MLIP: variants seen among roughly 807,000 people sequenced by gnomAD.
The protein encoded by MLIP is muscular LMNA-interacting protein.
A neutral mutation model predicts 84.8 loss-of-function variants in MLIP; 79 were observed. That is an observed-to-expected ratio of 0.93 (90% CI 0.78 to 1.12). The LOEUF (loss-of-function observed/expected upper bound fraction) is 1.12. MLIP is among the 50% of genes most tolerant of loss of function. MLIP has a pLI of 0.00. For synonymous variants in MLIP, 504 were observed against 463.0 expected, an observed-to-expected ratio of 1.09 and a Z score of -1.14; for missense variants, 1,257 against 1,160.6, an observed-to-expected ratio of 1.08 and a Z score of -1.21.
At chr6:54,027,380 C>T (rs1763874076) in intron 1 of MLIP, among the ~76,000 whole-genome samples, 1 of 1,024 alleles carries the variant, frequency 9.8e-4, no homozygotes, top group African/African-American at 1.1e-3. Flanking sequence ...AAAATACACA[C>T]ACACACACAC....
At chr6:54,160,880 T>C (rs1774566794) in intron 8 of MLIP, 81 bp downstream of exon 8, 1 of 1,152,468 alleles carries the variant, frequency 8.7e-7, no homozygotes, top group Non-Finnish European at 1.3e-6. Context: ...CAAGGTCCAA[T>C]AGTGAATTGA....
chr6:54,052,375 T>G (rs1485914743), intron 1 of MLIP, among the ~76,000 whole-genome samples: 2 of 152,200 alleles, frequency 1.3e-5, no homozygotes, highest in Non-Finnish European at 2.9e-5. Context: ...TTCGTCTACC[T>G]GTTGTTCAAC....
chr6:54,142,213 G>A (rs553689752), intron 4 of MLIP, among the ~76,000 whole-genome samples: 3 of 152,252 alleles, frequency 2.0e-5, no homozygotes, highest in Admixed American at 2.0e-4. Context: ...AAGCTGTGAG[G>A]ATATTGCAAT....
intron 9 of MLIP, among the ~76,000 whole-genome samples, chr6:54,173,033 G>T (rs1386558291): frequency 2.0e-5 from 3 of 151,652 alleles, no homozygotes; most frequent in Non-Finnish European, 3.0e-5. Flanking sequence ...TATTTCATTT[G>T]ATTCTTTTAA....
At chr6:54,167,371 G>A (rs1220543071) in intron 8 of MLIP, among the ~76,000 whole-genome samples, 1 of 151,816 alleles carries the variant, frequency 6.6e-6, no homozygotes, top group Non-Finnish European at 1.5e-5. Context: ...CCTTGGATAT[G>A]TCAAGCATGC....
rs1385920912 is a variant in MLIP, at chr6:54,124,766, C to T, written c.546C>T (p.Val182=). Residue 182 remains valine, a synonymous_variant, in exon 3 of 14, where the codon GTC becomes GTT. Transcript: ENST00000502396. ...PKSLAISSSL[V]SDVVRPKTQG... ...CTCTAGCTATCTCGTCCAGTCTGGT[C>T]TCTGATGTAGTGCGTCCCAAAACAC... 5 of 1,614,088 alleles carry T rather than the reference C, an allele frequency of 3.1e-6. No individual in the cohort carries two copies. The highest frequency in any genetic ancestry group is 3.4e-6 in the Non-Finnish European group (4 of 1,180,044).
In MLIP at chr6:54,138,118, C is replaced by T. The variant is rs762178846; in HGVS notation, c.2049C>T (p.Cys683=). 46 of 1,535,982 alleles carry T rather than the reference C, an allele frequency of 3.0e-5. No homozygotes were observed. The highest frequency in any genetic ancestry group is 1.7e-4 in the East Asian group (7 of 40,922). ...GTCCCTCAGCTCTGCACCCACATTG[C>T]GGCAGTGGTACCTTGCCTTCAAGAC... ...QLSPSALHPH[C]GSGTLPSRLG... is the part of the protein sequence containing the mutation. The change falls in exon 4 of 14, where the codon TGC becomes TGT. Residue 683 remains cysteine, a synonymous_variant. Transcript: ENST00000502396.
intron 13 of MLIP, among the ~76,000 whole-genome samples, chr6:54,265,613 A>G (rs896585900): frequency 2.0e-5 from 3 of 152,054 alleles, no homozygotes; most frequent in Non-Finnish European, 2.9e-5. Context: ...CAAGTCATGG[A>G]AGGGTGTGGG....
intron 11 of MLIP, among the ~76,000 whole-genome samples, chr6:54,224,510 T>C (rs1780442058): frequency 6.6e-6 from 1 of 152,072 alleles, no homozygotes; most frequent in Non-Finnish European, 1.5e-5. Flanking sequence ...AGGAACAAAT[T>C]CAGTTATGTG....
chr6:54,119,998 T>G (rs1770294029), intron 1 of MLIP, among the ~76,000 whole-genome samples: 1 of 152,192 alleles, frequency 6.6e-6, no homozygotes, highest in Non-Finnish European at 1.5e-5. Flanking sequence ...TCCCCTTTCC[T>G]TCTCTACTCT....
chr6:54,109,614 C>G (rs570714782), upstream of MLIP, among the ~76,000 whole-genome samples: 7 of 152,048 alleles, frequency 4.6e-5, no homozygotes, highest in Non-Finnish European at 1.0e-4. Context: ...TTCCCTTTCC[C>G]CGTTCTTCTA....
intron 1 of MLIP, among the ~76,000 whole-genome samples, chr6:54,055,475 C>T (rs1007775424): frequency 6.6e-6 from 1 of 152,098 alleles, no homozygotes; most frequent in Non-Finnish European, 1.5e-5. Flanking sequence ...ACCTAGTCCT[C>T]TCTTATTGGG....
intron 12 of MLIP, among the ~76,000 whole-genome samples, chr6:54,256,978 T>C (rs185785090): frequency 2.0e-5 from 3 of 152,274 alleles, no homozygotes; most frequent in Non-Finnish European, 4.4e-5. Context: ...TTGTTTCCTC[T>C]CTATGAAATC....
At position 54,189,952 on chromosome 6, in the gene MLIP, T is replaced by G. The variant is rs779636936; in HGVS notation, c.2589+38T>G. On this transcript the variant is annotated intron_variant, in intron 10 of 13. Coordinates refer to ENST00000502396, the MANE Select transcript of MLIP (RefSeq NM_001281747.2). ...TAAGTCACAGATCTACTGCAAATTCTGATCTCTCAAGAGAGCTTTACCTGA... is the reference window on the plus strand; with the variant it reads ...TAAGTCACAGATCTACTGCAAATTCGGATCTCTCAAGAGAGCTTTACCTGA... The G allele has an allele frequency of 3.4e-6, 5 of 1,450,912 alleles. No homozygotes were observed. In the East Asian group the frequency reaches 1.1e-4, roughly 33 times the overall value. 89.9% of individuals were successfully genotyped at this position (1,450,912 alleles called of 1,614,324 possible).
intron 2 of MLIP, among the ~76,000 whole-genome samples, chr6:54,123,707 C>A (rs1411207832): frequency 2.0e-5 from 3 of 152,076 alleles, no homozygotes; most frequent in Non-Finnish European, 4.4e-5. Context: ...ATAATAGTAA[C>A]CATAGTGTAA....
chr6:54,082,830 A>T (rs116181678), intron 1 of MLIP, among the ~76,000 whole-genome samples: 5,561 of 152,176 alleles, frequency 0.037, 289 homozygotes, highest in African/African-American at 0.13. Flanking sequence ...TATTTAAAAA[A>T]ACTGAATTAT....
At chr6:54,019,624 G>T (rs1763387864) in intron 1 of MLIP, among the ~76,000 whole-genome samples, 1 of 152,106 alleles carries the variant, frequency 6.6e-6, no homozygotes, top group African/African-American at 2.4e-5. Flanking sequence ...ACTTACATTT[G>T]CTCAAATACA....
chr6:54,179,334 T>C (rs1352198265), intron 9 of MLIP, among the ~76,000 whole-genome samples: 1 of 152,154 alleles, frequency 6.6e-6, no homozygotes, highest in Non-Finnish European at 1.5e-5. Flanking sequence ...GGTGATTGGG[T>C]TGTTTTTCAT....
At chr6:54,175,030 C>T (rs1347473058) in intron 9 of MLIP, among the ~76,000 whole-genome samples, 1 of 151,866 alleles carries the variant, frequency 6.6e-6, no homozygotes, top group Non-Finnish European at 1.5e-5. Flanking sequence ...TGTGTTCTTG[C>T]CACCTTTGTC....
Sources: allele counts gnomAD v4.1 joint callset (sites outside exome capture counted in the v4.1 genomes callset), GRCh38; gene constraint gnomAD v4.1.1; transcripts MANE v1.5; gene names NCBI Gene and HGNC (gene_info 2026-07-23, HGNC 2026-07-21).